The following KCNQ5 variants were observed in gnomAD, a reference collection of about 807,000 sequenced individuals.
The protein encoded by KCNQ5 is potassium voltage-gated channel subfamily KQT member 5.
Under a neutral mutation model 98.2 loss-of-function variants are expected in KCNQ5, and 30 were observed. The observed-to-expected ratio is 0.31, with a 90% confidence interval of 0.23 to 0.41. The LOEUF (loss-of-function observed/expected upper bound fraction) is 0.41. Ranked by LOEUF, KCNQ5 falls within the 10% of genes least tolerant of loss-of-function variation. KCNQ5 has a pLI of 1.00. For synonymous variants in KCNQ5, 458 were observed against 449.4 expected, an observed-to-expected ratio of 1.02 and a Z score of -0.24; for missense variants, 835 against 1,182.5, an observed-to-expected ratio of 0.71 and a Z score of 4.31.
intron 1 of KCNQ5, among the ~76,000 whole-genome samples, chr6:72,960,929 G>A (rs1767311697): frequency 6.6e-6 from 1 of 152,144 alleles, no homozygotes; most frequent in African/African-American, 2.4e-5. Context: ...AGTGAGCTGT[G>A]ATCACATCAA....
chr6:72,738,166 T>A (rs1005856266), intron 1 of KCNQ5, among the ~76,000 whole-genome samples: 7 of 151,422 alleles, frequency 4.6e-5, no homozygotes, highest in Non-Finnish European at 1.0e-4. Context: ...AAAAAAAAAA[T>A]TTGTTACTTA....
intron 1 of KCNQ5, among the ~76,000 whole-genome samples, chr6:72,847,139 AT>A (rs1218332322): frequency 6.6e-6 from 1 of 151,914 alleles, no homozygotes; most frequent in Non-Finnish European, 1.5e-5. Context: ...TTAAAAAAAA[AT>A]TCCCTTGCAC....
chr6:73,008,034 A>G (rs1769892486), intron 2 of KCNQ5, among the ~76,000 whole-genome samples: 1 of 152,184 alleles, frequency 6.6e-6, no homozygotes, highest in Non-Finnish European at 1.5e-5. Context: ...TATAAATTCA[A>G]ATTAGAGTGT....
At chr6:73,048,825 C>CT (rs34482797) in intron 3 of KCNQ5, among the ~76,000 whole-genome samples, 1 of 152,028 alleles carries the variant, frequency 6.6e-6, no homozygotes, top group Non-Finnish European at 1.5e-5. Flanking sequence ...GTGATGGAAA[C>CT]TTTTTTACAG....
At chr6:72,740,170 A>AT (rs1473093585) in intron 1 of KCNQ5, among the ~76,000 whole-genome samples, 2 of 152,278 alleles carry the variant, frequency 1.3e-5, no homozygotes, top group East Asian at 3.9e-4. Context: ...AGCTACTGTC[A>AT]TTTTTTCAAC....
At chr6:72,788,414 C>A (rs4707993) in intron 1 of KCNQ5, among the ~76,000 whole-genome samples, 82,017 of 151,986 alleles carry the variant, frequency 0.54, 22,567 homozygotes, top group Middle Eastern at 0.62. Context: ...TTATCAAATA[C>A]AGTAGCACCT....
rs374020447 is a variant in KCNQ5 at position 72,622,918 on chromosome 6, C to T, written c.398+331C>T. On this transcript the variant is annotated intron_variant, in intron 1 of 13. Coordinates refer to ENST00000370398, the MANE Select transcript of KCNQ5 (RefSeq NM_019842.4). This position sits in a 1 kb window ranked among gnomAD's most constrained non-coding sequence, Gnocchi z 6.0. The stretch of plus-strand genomic sequence containing the variant: ...AGGTCCCAAGATACGTAAACTTCAA[C>T]CGAACGGGGCGCCCGGGAGCTAGGG... Among the ~76,000 whole-genome samples, 10 of 152,276 alleles carry T rather than the reference C, an allele frequency of 6.6e-5. No homozygotes were observed. The East Asian group carries it at 1.5e-3, about 24-fold the overall frequency.
At chr6:72,746,426 G>C (rs1561956898) in intron 1 of KCNQ5, among the ~76,000 whole-genome samples, 2 of 152,092 alleles carry the variant, frequency 1.3e-5, no homozygotes, top group Non-Finnish European at 2.9e-5. Flanking sequence ...CTTTCAGAAA[G>C]CACTGGGAGG....
rs773480338 is a variant in KCNQ5, at chr6:72,622,633, T to A, written c.398+46T>A. The A allele has an allele frequency of 1.0e-5, 16 of 1,602,650 alleles. No homozygotes were observed. In the South Asian group the frequency reaches 1.6e-4, roughly 16 times the overall value. On this transcript the variant is annotated intron_variant, in intron 1 of 13. Coordinates refer to ENST00000370398, the MANE Select transcript of KCNQ5 (RefSeq NM_019842.4). This position sits in a 1 kb window ranked among gnomAD's most constrained non-coding sequence, Gnocchi z 6.0. ...CTATGCCCGCTGCAGGGGACCACTG[T>A]CCCTGGCCCCCTGGGGCGTGCTCCG...
chr6:73,035,439 C>A (rs1459517344), intron 2 of KCNQ5, among the ~76,000 whole-genome samples: 2 of 152,188 alleles, frequency 1.3e-5, no homozygotes, highest in East Asian at 3.8e-4. Flanking sequence ...ATCTCTTTAG[C>A]TGCCATTTCA....
chr6:73,123,727 T>C (rs759484955), intron 8 of KCNQ5, among the ~76,000 whole-genome samples: 31 of 152,048 alleles, frequency 2.0e-4, no homozygotes, highest in Non-Finnish European at 4.1e-4. Flanking sequence ...AGTCAGAAAT[T>C]TTATGAGGCT....
chr6:72,698,269 C>G (rs1478235130), intron 1 of KCNQ5, among the ~76,000 whole-genome samples: 2 of 151,928 alleles, frequency 1.3e-5, no homozygotes, highest in Non-Finnish European at 2.9e-5. Context: ...ATGGCGTGAT[C>G]TTGGCTCACC....
At chr6:73,118,946 A>G (rs1297132840) in intron 7 of KCNQ5, among the ~76,000 whole-genome samples, 1 of 152,222 alleles carries the variant, frequency 6.6e-6, no homozygotes, top group Non-Finnish European at 1.5e-5. Flanking sequence ...GCTTGAACCC[A>G]GAAGGCAGAG....
chr6:72,689,273 AG>A (rs1170819056), intron 1 of KCNQ5, among the ~76,000 whole-genome samples: 4 of 152,200 alleles, frequency 2.6e-5, no homozygotes, highest in Non-Finnish European at 5.9e-5. Flanking sequence ...GCAGTGACTA[AG>A]GGACTTTAAG....
intron 1 of KCNQ5, among the ~76,000 whole-genome samples, chr6:72,847,250 C>T (rs931272328): frequency 5.9e-4 from 90 of 152,278 alleles, no homozygotes; most frequent in African/African-American, 1.8e-3. Context: ...ATGCAATCTC[C>T]GCCTTGTGGG....
At chr6:73,165,124 G>A (rs1582472923) in intron 10 of KCNQ5, among the ~76,000 whole-genome samples, 3 of 152,082 alleles carry the variant, frequency 2.0e-5, no homozygotes, top group South Asian at 4.2e-4. Flanking sequence ...AATGACTACA[G>A]GCATACACAC....
At chr6:72,899,658 T>C (rs940202541) in intron 1 of KCNQ5, among the ~76,000 whole-genome samples, 3 of 152,166 alleles carry the variant, frequency 2.0e-5, no homozygotes, top group African/African-American at 7.2e-5. Flanking sequence ...TTTCTTTTTT[T>C]ATTTTTCCAT....
rs559868703 is a variant in KCNQ5, at chr6:72,978,757, C to T, written c.399-25151C>T. Among the ~76,000 whole-genome samples the T allele has an allele frequency of 7.9e-5, 12 of 152,262 alleles. No individual in the cohort carries two copies. The East Asian group carries it at 1.3e-3, about 17-fold the overall frequency. ...GTTTGTTACATATGTATACATGTGC[C>T]GTGTTGGTTTGCTGCACCCATTAAC... On this transcript the variant is annotated intron_variant, in intron 1 of 13. Transcript: ENST00000370398.
At chr6:72,864,497 A>G (rs1174754004) in intron 1 of KCNQ5, among the ~76,000 whole-genome samples, 1 of 151,958 alleles carries the variant, frequency 6.6e-6, no homozygotes, top group Non-Finnish European at 1.5e-5. Flanking sequence ...TCTTTATCTC[A>G]TTTTCCCCCA....
Sources: gnomAD v4.1 joint callset for allele counts (sites outside exome capture counted in the v4.1 genomes callset) on GRCh38, gnomAD v4.1.1 for gene constraint, Gnocchi (gnomAD v3.1) non-coding constraint, MANE v1.5 for transcripts, NCBI Gene and HGNC (gene_info 2026-07-23, HGNC 2026-07-21) for gene names.